Variants in SUSD5 observed in about 807,000 individuals in gnomAD.
SUSD5 encodes sushi domain containing 5, also known as sushi domain-containing protein 5.
A neutral mutation model predicts 29.5 loss-of-function variants in SUSD5; 33 were observed. The observed-to-expected ratio is 1.12, with a 90% CI of 0.85 to 1.49. The LOEUF is 1.49. SUSD5 is among the 40% of genes most tolerant of loss of function. SUSD5 has a pLI of 0.00. For missense variants in SUSD5, 776 were observed against 800.6 expected, an observed-to-expected ratio of 0.97 and a Z score of 0.37; for synonymous variants, 308 against 325.3, an observed-to-expected ratio of 0.95 and a Z score of 0.57.
At chr3:33,177,752 T>C (rs2031582129) in intron 3 of SUSD5, among the ~76,000 whole-genome samples, 1 of 152,262 alleles carries the variant, frequency 6.6e-6, no homozygotes, top group Admixed American at 6.5e-5. Context: ...TACGTTAACC[T>C]TGTATCCTGC....
intron 4 of SUSD5, among the ~76,000 whole-genome samples, chr3:33,154,646 A>C (rs754814487): frequency 1.3e-4 from 20 of 152,230 alleles, no homozygotes; most frequent in Non-Finnish European, 2.1e-4. Context: ...AATAAACAGA[A>C]AATTAAAATT....
At chr3:33,191,400 G>T (rs766064910) in intron 3 of SUSD5, among the ~76,000 whole-genome samples, 3 of 151,986 alleles carry the variant, frequency 2.0e-5, no homozygotes, top group Admixed American at 6.6e-5. Context: ...AAAGTGCTGG[G>T]ATTACAGGCG....
At chr3:33,218,652 C>T in intron 1 of SUSD5, 34 bp downstream of exon 1, 1 of 1,075,676 alleles carries the variant, frequency 9.3e-7, no homozygotes, top group African/African-American at 1.6e-5. Flanking sequence ...ACCCCACGCT[C>T]CACCCCCCGC....
intron 4 of SUSD5, among the ~76,000 whole-genome samples, chr3:33,164,191 T>C (rs921772074): frequency 6.6e-6 from 1 of 151,920 alleles, no homozygotes; most frequent in African/African-American, 2.4e-5. Flanking sequence ...AAAAAAGATA[T>C]ATAGATATAG....
rs1222037459 is a variant in SUSD5 at position 33,204,172 on chromosome 3, TAC to T, written c.409+3634_409+3635del. Among the ~76,000 whole-genome samples the T allele has an allele frequency of 6.6e-6, 1 of 152,180 alleles. No homozygotes were observed. The highest frequency in any genetic ancestry group is 1.9e-4 in the East Asian group (1 of 5,196). Reference sequence around the variant, plus strand: ...CAATGGTTCAAAAAAGAATTATAGATACACATATATACATATTTACATATGTA... The same window carrying T: ...CAATGGTTCAAAAAAGAATTATAGATACATATATACATATTTACATATGTA... On this transcript the variant is annotated intron_variant, in intron 3 of 4. Transcript: ENST00000309558. The surrounding 1 kb of genome is among the most constrained non-coding windows in gnomAD (Gnocchi z 4.5).
chr3:33,203,542 A>T (rs1380770851), intron 3 of SUSD5, among the ~76,000 whole-genome samples: 1 of 152,164 alleles, frequency 6.6e-6, no homozygotes, highest in Non-Finnish European at 1.5e-5. Context: ...GATGAACCAC[A>T]TATAATGCCT....
intron 4 of SUSD5, among the ~76,000 whole-genome samples, chr3:33,160,190 G>T (rs961339526): frequency 6.6e-6 from 1 of 152,174 alleles, no homozygotes; most frequent in African/African-American, 2.4e-5. Context: ...GCCCAGGCTT[G>T]TCTTGAACTT....
rs1226903102 is a variant in SUSD5, at chr3:33,174,890, C to T, written c.594G>A (p.Gly198=). Reference sequence around the variant, plus strand: ...GCCCATCCCTGGGCTGCTTACCTTTCCCACAGGCCTGCACCAGGCCGTACC... The same window carrying T: ...GCCCATCCCTGGGCTGCTTACCTTTTCCACAGGCCTGCACCAGGCCGTACC... The part of the protein sequence containing the change: ...GEWYGLVQAC[G]KDEAEAHIDY... The change falls in exon 4 of 5, where the codon GGG becomes GGA. Residue 198 remains glycine, a synonymous_variant. Coordinates refer to ENST00000309558, the MANE Select transcript of SUSD5 (RefSeq NM_015551.2). The T allele has an allele frequency of 3.1e-6, 5 of 1,613,754 alleles. No homozygotes were observed. The East Asian group carries it at 8.9e-5, about 29-fold the overall frequency.
At position 33,207,771 on chromosome 3, in the gene SUSD5, C is replaced by T. The variant is rs372338371; in HGVS notation, c.409+37G>A. 83 of 1,428,178 alleles carry T rather than the reference C, an allele frequency of 5.8e-5. 1 individual carries two copies. The East Asian group carries it at 5.9e-4, about 10-fold the overall frequency. 88.5% of individuals were successfully genotyped at this position (1,428,178 alleles called of 1,614,324 possible). On this transcript the variant is annotated intron_variant, in intron 3 of 4. Transcript: ENST00000309558. ...CCTCATATAGCAATCCCCAAGAGCA[C>T]ACCCTCCAGCACCTTTAAGAAGACT...
intron 4 of SUSD5, among the ~76,000 whole-genome samples, chr3:33,155,228 T>C (rs560098766): frequency 6.6e-6 from 1 of 152,288 alleles, no homozygotes; most frequent in South Asian, 2.1e-4. Flanking sequence ...CCCACAAATC[T>C]ATACTAAGTA....
Position 33,152,711 on chromosome 3 carries a change from G to A in SUSD5, c.*31C>T. The A allele has an allele frequency of 1.3e-6, 2 of 1,556,908 alleles. No individual in the cohort carries two copies. Among genetic ancestry groups the A allele is most frequent in the South Asian group, 2.4e-5 (2 of 81,940 alleles). On this transcript the variant is annotated 3_prime_UTR_variant, in exon 5 of 5. Coordinates refer to ENST00000309558, the MANE Select transcript of SUSD5 (RefSeq NM_015551.2). Reference sequence around the variant, plus strand: ...TGTGTCACAGTTATTTTCCTCCCAAGTGGCTTTGGGAGAACCCACTCCAAA... The same window carrying A: ...TGTGTCACAGTTATTTTCCTCCCAAATGGCTTTGGGAGAACCCACTCCAAA...
chr3:33,208,681 T>C (rs2125632695), intron 2 of SUSD5, among the ~76,000 whole-genome samples: 1 of 152,282 alleles, frequency 6.6e-6, no homozygotes, highest in East Asian at 1.9e-4. Context: ...GGAAGTTAAA[T>C]ATCCTTTCTC....
chr3:33,184,132 G>A (rs999182788), intron 3 of SUSD5, among the ~76,000 whole-genome samples: 1 of 151,234 alleles, frequency 6.6e-6, no homozygotes, highest in Non-Finnish European at 1.5e-5. Flanking sequence ...TAGAGATGGG[G>A]TTTCACCATG....
At chr3:33,212,451 A>G (rs1334421216) in intron 2 of SUSD5, among the ~76,000 whole-genome samples, 2 of 152,210 alleles carry the variant, frequency 1.3e-5, no homozygotes, top group African/African-American at 4.8e-5. Context: ...TGGCCATAAC[A>G]ATTACTTCTC....
At chr3:33,190,778 G>A (rs2031873955) in intron 3 of SUSD5, among the ~76,000 whole-genome samples, 1 of 152,146 alleles carries the variant, frequency 6.6e-6, no homozygotes, top group Non-Finnish European at 1.5e-5. Context: ...GAACTCAGTT[G>A]TCATGAATCC....
intron 3 of SUSD5, among the ~76,000 whole-genome samples, chr3:33,205,057 T>G (rs2032192479): frequency 6.6e-6 from 1 of 151,986 alleles, no homozygotes; most frequent in Admixed American, 6.5e-5. Context: ...CTATAATTCT[T>G]TTTTGAACCA....
Position 33,204,375 on chromosome 3 carries a change from C to T in SUSD5, c.409+3433G>A, listed in dbSNP as rs1472688206. Among the ~76,000 whole-genome samples the T allele has an allele frequency of 6.6e-6, 1 of 151,922 alleles. No individual in the cohort carries two copies. The highest frequency in any genetic ancestry group is 1.5e-5 in the Non-Finnish European group (1 of 68,004). ...TTGTTCTGTCACCCAGGGTGGAGTG[C>T]AGTGGTGCGATCTCGGCTCACTGCA... On this transcript the variant is annotated intron_variant, in intron 3 of 4. Transcript: ENST00000309558. This position sits in a 1 kb window ranked among gnomAD's most constrained non-coding sequence, Gnocchi z 4.5.
intron 3 of SUSD5, among the ~76,000 whole-genome samples, chr3:33,196,853 A>G (rs2032005600): frequency 6.6e-6 from 1 of 152,176 alleles, no homozygotes; most frequent in African/African-American, 2.4e-5. Context: ...GATATTCAAG[A>G]GTAAGAAGAA....
chr3:33,170,075 C>T (rs1040818493), intron 4 of SUSD5, among the ~76,000 whole-genome samples: 10 of 152,092 alleles, frequency 6.6e-5, no homozygotes, highest in East Asian at 1.9e-4. Flanking sequence ...AATGCCACCA[C>T]GCCCAGCTAA....
Sources: gnomAD v4.1 joint callset for allele counts (sites outside exome capture counted in the v4.1 genomes callset) on GRCh38, gnomAD v4.1.1 for gene constraint, Gnocchi (gnomAD v3.1) non-coding constraint, MANE v1.5 for transcripts, NCBI Gene and HGNC (gene_info 2026-07-23, HGNC 2026-07-21) for gene names.